The following THSD7B variants were observed in gnomAD, a reference collection of about 807,000 sequenced individuals.
THSD7B encodes the protein thrombospondin type 1 domain containing 7B.
In THSD7B, 138 loss-of-function variants were observed where a neutral mutation model predicts 213.6. The observed-to-expected ratio is 0.65, with a 90% confidence interval of 0.56 to 0.74. THSD7B has a LOEUF of 0.74. THSD7B is among the 30% of genes least tolerant of loss of function. THSD7B has a pLI of 0.00. For missense variants in THSD7B, 1,931 were observed against 1,991.5 expected, an observed-to-expected ratio of 0.97 and a Z score of 0.58; for synonymous variants, 742 against 687.0, an observed-to-expected ratio of 1.08 and a Z score of -1.25.
chr2:137,427,494 G>A (rs1687085434), intron 14 of THSD7B, among the ~76,000 whole-genome samples: 1 of 151,658 alleles, frequency 6.6e-6, no homozygotes, highest in African/African-American at 2.4e-5. Flanking sequence ...GTGTGTGTGT[G>A]TAATGAAATA....
intron 4 of THSD7B, among the ~76,000 whole-genome samples, chr2:137,111,567 T>C (rs1205161084): frequency 6.6e-6 from 1 of 152,174 alleles, no homozygotes; most frequent in Non-Finnish European, 1.5e-5. Flanking sequence ...ATTTTCTTCA[T>C]AGGGTTGCTG....
chr2:137,339,213 T>C (rs1684705441), intron 12 of THSD7B, among the ~76,000 whole-genome samples: 1 of 152,048 alleles, frequency 6.6e-6, no homozygotes, highest in South Asian at 2.1e-4. Context: ...GCAGCCCTTC[T>C]GCTCAGACAA....
intron 17 of THSD7B, among the ~76,000 whole-genome samples, chr2:137,572,976 G>T (rs922660361): frequency 2.0e-5 from 3 of 151,552 alleles, no homozygotes; most frequent in Non-Finnish European, 4.4e-5. Flanking sequence ...TGTTAGTGAT[G>T]ATCTGTTTTT....
intron 7 of THSD7B, among the ~76,000 whole-genome samples, chr2:137,230,063 G>A (rs1681602901): frequency 6.6e-6 from 1 of 152,090 alleles, no homozygotes; most frequent in East Asian, 1.9e-4. Flanking sequence ...TGTGTCCTCT[G>A]TTTTTATGAG....
chr2:137,447,441 CTCTT>C (rs1488417929), intron 14 of THSD7B, among the ~76,000 whole-genome samples: 1 of 152,126 alleles, frequency 6.6e-6, no homozygotes, highest in African/African-American at 2.4e-5. Context: ...TCTAGTTTTC[CTCTT>C]TCTATTTGGT....
chr2:137,190,975 G>C (rs566610306), intron 7 of THSD7B, among the ~76,000 whole-genome samples: 1 of 152,308 alleles, frequency 6.6e-6, no homozygotes, highest in South Asian at 2.1e-4. Flanking sequence ...ACTGAGAGAC[G>C]CTGCAATTTC....
intron 4 of THSD7B, among the ~76,000 whole-genome samples, chr2:137,108,224 T>C (rs1191675296): frequency 6.6e-6 from 1 of 152,196 alleles, no homozygotes; most frequent in Non-Finnish European, 1.5e-5. Flanking sequence ...AAATCTAAGC[T>C]TTTAGAAGAA....
At chr2:137,600,436 A>AT (rs925535366) in intron 17 of THSD7B, among the ~76,000 whole-genome samples, 1 of 152,168 alleles carries the variant, frequency 6.6e-6, no homozygotes, top group Admixed American at 6.6e-5. Context: ...ACTTATATAT[A>AT]TTTTTAAAAG....
intron 7 of THSD7B, among the ~76,000 whole-genome samples, chr2:137,211,331 T>TACACACACACACACACACACAC (rs1224147467): frequency 6.4e-4 from 4 of 6,288 alleles, no homozygotes; most frequent in African/African-American, 1.0e-3. Context: ...CTATCCTTCC[T>TACACACACACACACACACACAC]ACACACACAC....
intron 2 of THSD7B, among the ~76,000 whole-genome samples, chr2:136,965,995 T>C (rs1482422301): frequency 6.6e-6 from 1 of 152,186 alleles, no homozygotes; most frequent in East Asian, 1.9e-4. Context: ...GTAAATGCTC[T>C]AATTTTTCAA....
At chr2:137,402,554 C>T (rs957144774) in intron 12 of THSD7B, among the ~76,000 whole-genome samples, 75 of 152,104 alleles carry the variant, frequency 4.9e-4, no homozygotes, top group African/African-American at 1.7e-3. Context: ...GAGTGGCTCA[C>T]ACCTGTAATC....
chr2:137,552,190 T>A (rs182127668), intron 15 of THSD7B, among the ~76,000 whole-genome samples: 1 of 152,314 alleles, frequency 6.6e-6, no homozygotes, highest in East Asian at 1.9e-4. Flanking sequence ...AAGAATAAAT[T>A]GCTTTTGTGG....
intron 12 of THSD7B, among the ~76,000 whole-genome samples, chr2:137,387,689 A>G (rs1317439379): frequency 6.6e-6 from 1 of 152,182 alleles, no homozygotes; most frequent in African/African-American, 2.4e-5. Context: ...TTGTGTCCTG[A>G]GAGTGATTTG....
At chr2:137,268,660 T>A (rs1383322055) in intron 10 of THSD7B, among the ~76,000 whole-genome samples, 1 of 152,130 alleles carries the variant, frequency 6.6e-6, no homozygotes, top group Non-Finnish European at 1.5e-5. Context: ...GCTTCTTTAC[T>A]GCAGCCCATT....
chr2:137,226,102 A>C (rs557018935), intron 7 of THSD7B, among the ~76,000 whole-genome samples: 1 of 151,984 alleles, frequency 6.6e-6, no homozygotes, highest in South Asian at 2.1e-4. Context: ...CAAGCATTTA[A>C]TCAAGGTTTA....
intron 2 of THSD7B, among the ~76,000 whole-genome samples, chr2:137,017,346 A>G (rs551353566): frequency 6.6e-6 from 1 of 151,776 alleles, no homozygotes; most frequent in Non-Finnish European, 1.5e-5. Context: ...GTTAGGGGAT[A>G]TAACCAATTT....
At chr2:137,171,557 C>A (rs1462726046) in intron 7 of THSD7B, among the ~76,000 whole-genome samples, 1 of 152,078 alleles carries the variant, frequency 6.6e-6, no homozygotes, top group African/African-American at 2.4e-5. Context: ...AAACATGTGT[C>A]ATGTGGAAAT....
At chr2:136,901,245 C>T (rs1573699384) in intron 2 of THSD7B, among the ~76,000 whole-genome samples, 1 of 152,156 alleles carries the variant, frequency 6.6e-6, no homozygotes, top group Admixed American at 6.6e-5. Context: ...CAAAGCAAAG[C>T]AAGACATAGC....
At chr2:137,600,611 G>C (rs982261942) in intron 17 of THSD7B, among the ~76,000 whole-genome samples, 1 of 152,128 alleles carries the variant, frequency 6.6e-6, no homozygotes, top group East Asian at 1.9e-4. Flanking sequence ...AGTGGCACAC[G>C]CCTGTAGTCC....
Sources: allele counts gnomAD v4.1 joint callset (sites outside exome capture counted in the v4.1 genomes callset), GRCh38; gene constraint gnomAD v4.1.1; transcripts MANE v1.5; gene names NCBI Gene and HGNC (gene_info 2026-07-23, HGNC 2026-07-21).